Variants in TLK2 observed in about 807,000 individuals in gnomAD.
The protein encoded by TLK2 is tousled like kinase 2.
In TLK2, 6 loss-of-function variants were observed where a neutral mutation model predicts 117.3. The ratio of observed to expected loss-of-function variants is 0.05; its 90% confidence interval spans 0.03 to 0.10. TLK2 has a LOEUF of 0.10. TLK2 is among the 10% of genes least tolerant of loss of function. The pLI is 1.00. For missense variants in TLK2, 299 were observed against 901.2 expected (o/e 0.33, Z 8.56); for synonymous variants, 257 against 316.7 (o/e 0.81, Z 2.00).
chr17:62,478,558 G>T (rs1258257589), upstream of TLK2, among the ~76,000 whole-genome samples: 4 of 150,110 alleles, frequency 2.7e-5, no homozygotes, highest in African/African-American at 9.7e-5. Context: ...AGCCGGCGCC[G>T]CCCGTCGCCC....
chr17:62,561,553 A>G (rs2079278398), intron 10 of TLK2, among the ~76,000 whole-genome samples: 1 of 152,218 alleles, frequency 6.6e-6, no homozygotes, highest in African/African-American at 2.4e-5. Context: ...TCCTAATGAC[A>G]ATATTACAAG....
chr17:62,601,958 G>C, intron 18 of TLK2, 84 bp from the exon 19 acceptor site: 1 of 1,247,040 alleles, frequency 8.0e-7, no homozygotes. Flanking sequence ...GAGTTCAGTT[G>C]TCCCCTTCTT....
chr17:62,473,712 C>T (rs2070984095), intron 1 of TLK2, among the ~76,000 whole-genome samples: 1 of 152,182 alleles, frequency 6.6e-6, no homozygotes, highest in Non-Finnish European at 1.5e-5. Context: ...CAACCAGCAA[C>T]CTGTTTTTGC....
chr17:62,603,131 A>AGGTCCT (rs1405275658), intron 19 of TLK2, among the ~76,000 whole-genome samples: 2 of 152,190 alleles, frequency 1.3e-5, no homozygotes, highest in African/African-American at 4.8e-5. Flanking sequence ...TGGAACTGAA[A>AGGTCCT]GGTCCTAGGC....
At chr17:62,530,221 C>A (rs893332982) in intron 6 of TLK2, among the ~76,000 whole-genome samples, 2 of 152,098 alleles carry the variant, frequency 1.3e-5, no homozygotes, top group Non-Finnish European at 2.9e-5. Flanking sequence ...TTGCAGTGAA[C>A]CGAGATCACA....
intron 10 of TLK2, among the ~76,000 whole-genome samples, chr17:62,560,695 C>T (rs1250910950): frequency 6.9e-6 from 1 of 145,606 alleles, no homozygotes; most frequent in Non-Finnish European, 1.5e-5. Flanking sequence ...TGAGTCTCAT[C>T]CAGGCTGGAG....
chr17:62,556,336 C>T (rs1256716864), intron 9 of TLK2, among the ~76,000 whole-genome samples: 1 of 152,156 alleles, frequency 6.6e-6, no homozygotes, highest in Non-Finnish European at 1.5e-5. Context: ...CTTGTTTATT[C>T]AACTGATTTC....
rs191009281 is a variant in TLK2 at position 62,615,046 on chromosome 17, C to T, written c.*2481C>T. On this transcript the variant is annotated 3_prime_UTR_variant, in exon 22 of 22. Transcript: ENST00000346027. The stretch of plus-strand genomic sequence containing the variant: ...AGTAACTTCCTGCCTTTTTTTTCCC[C>T]GTGGGCTTTTAAGTGAAGCTGCAGG... 5.7e-4 allele frequency: 87 copies of T among 151,918 alleles called. No homozygotes were observed. The highest frequency in any genetic ancestry group is 3.4e-3 in the Middle Eastern group (1 of 294). The allele number at this position is 151,918 out of a possible 1,614,324, so 9.4% of individuals were successfully genotyped here. A position where few individuals can be genotyped will look rare whatever the true frequency, so the allele number is the denominator to read the frequency against.
intron 7 of TLK2, among the ~76,000 whole-genome samples, chr17:62,546,115 C>G (rs1389442568): frequency 6.6e-6 from 1 of 152,008 alleles, no homozygotes; most frequent in East Asian, 1.9e-4. Flanking sequence ...CTCCTGACCT[C>G]AAGTGATCTG....
intron 7 of TLK2, among the ~76,000 whole-genome samples, chr17:62,538,830 T>A (rs2145888209): frequency 6.6e-6 from 1 of 152,308 alleles, no homozygotes; most frequent in Admixed American, 6.5e-5. Context: ...ATAAGCTTAG[T>A]AGTATAAGGA....
At chr17:62,475,625 G>GT (rs1370689330), upstream of TLK2, among the ~76,000 whole-genome samples, 1 of 151,970 alleles carries the variant, frequency 6.6e-6, no homozygotes, top group African/African-American at 2.4e-5. Flanking sequence ...GATTACAGGT[G>GT]TGAGCCACCG....
chr17:62,493,591 T>C (rs751176777), intron 2 of TLK2, among the ~76,000 whole-genome samples: 1 of 152,168 alleles, frequency 6.6e-6, no homozygotes, highest in Non-Finnish European at 1.5e-5. Flanking sequence ...AGCTAGAAAA[T>C]AGTGGTTCTT....
At chr17:62,516,899 A>G (rs1189737143) in intron 2 of TLK2, 3 of 643,680 alleles carry the variant, frequency 4.7e-6, no homozygotes, top group Non-Finnish European at 8.2e-6. Flanking sequence ...GCATGTACAT[A>G]TCCAGTTTCT....
intron 4 of TLK2, among the ~76,000 whole-genome samples, chr17:62,522,479 T>C (rs2076110587): frequency 1.3e-5 from 2 of 152,242 alleles, no homozygotes; most frequent in Admixed American, 1.3e-4. Context: ...GGGACTCTTT[T>C]GTTTTCCCTG....
intron 5 of TLK2, among the ~76,000 whole-genome samples, 182 bp downstream of exon 5, chr17:62,523,359 G>A (rs981645734): frequency 1.3e-5 from 2 of 152,042 alleles, no homozygotes; most frequent in African/African-American, 4.8e-5. Context: ...TGGGAGGATC[G>A]CTTGAACCCA....
intron 21 of TLK2, 21 bp downstream of exon 21, chr17:62,608,169 T>C (rs1388621724): frequency 6.3e-7 from 1 of 1,594,674 alleles, no homozygotes; most frequent in East Asian, 2.2e-5. Context: ...TTTGACCCAT[T>C]GGCCAACAGA....
intron 17 of TLK2, among the ~76,000 whole-genome samples, chr17:62,598,777 C>A (rs971791425): frequency 2.0e-5 from 3 of 151,940 alleles, no homozygotes; most frequent in Non-Finnish European, 2.9e-5. Flanking sequence ...CCCGCCTGGG[C>A]CTCCCAAAGT....
Position 62,606,182 on chromosome 17 carries a change from A to G in TLK2, c.1912A>G (p.Asn638Asp). ...TGGGAAAGAACCACCAAAGATCTCA[A>G]ATAAAGTTGATGTGTGGTCGGTGGG... ...VVGKEPPKIS[N>D]KVDVWSVGVI... Residue 638 changes from asparagine to aspartate, a missense_variant, in exon 20 of 22, where the codon AAT becomes GAT. Around this residue, in one of 4 missense-constraint regions of TLK2, gnomAD observed 81 missense variants for 370.9 expected, o/e 0.22. Coordinates refer to ENST00000346027, the MANE Select transcript of TLK2 (RefSeq NM_006852.6). 1 of 1,602,404 alleles carries G rather than the reference A, an allele frequency of 6.2e-7. No homozygotes were observed. The highest frequency in any genetic ancestry group is 8.5e-7 in the Non-Finnish European group (1 of 1,172,134).
intron 2 of TLK2, among the ~76,000 whole-genome samples, chr17:62,503,853 C>T (rs1262188064): frequency 6.6e-6 from 1 of 151,892 alleles, no homozygotes. Flanking sequence ...CTCAGCCTCC[C>T]GAGTAGCTGG....
Sources: allele counts gnomAD v4.1 joint callset (sites outside exome capture counted in the v4.1 genomes callset), GRCh38; gene constraint gnomAD v4.1.1; regional missense constraint gnomAD v4.1.1; transcripts MANE v1.5; gene names NCBI Gene and HGNC (gene_info 2026-07-23, HGNC 2026-07-21).